The following COL13A1 variants were observed in gnomAD, a reference collection of about 807,000 sequenced individuals.
The protein encoded by COL13A1 is collagen alpha-1(XIII) chain.
Under a neutral mutation model 130.9 loss-of-function variants are expected in COL13A1, and 89 were observed. The observed-to-expected ratio is 0.68, with a 90% CI of 0.57 to 0.81. The LOEUF (loss-of-function observed/expected upper bound fraction) is 0.81. Among genes scored for constraint, COL13A1 ranks in the 30% least tolerant of loss-of-function variants. The pLI is 0.00. For missense variants in COL13A1, 879 were observed against 934.6 expected, an observed-to-expected ratio of 0.94 and a Z score of 0.78; for synonymous variants, 402 against 341.6, an observed-to-expected ratio of 1.18 and a Z score of -1.95.
rs2068441940 is a variant in COL13A1, at chr10:69,945,863, G to A, written c.2022+139G>A. On this transcript the variant is annotated intron_variant, in intron 37 of 40. Coordinates refer to ENST00000645393, the MANE Select transcript of COL13A1 (RefSeq NM_001368882.1). ...CGAGGCGGGCGCATCACGAGGTCAG[G>A]AGATCAAGACTATCCTGGCCAACAC... 1.3e-5 allele frequency: 14 copies of A among 1,065,592 alleles called. No individual in the cohort carries two copies. The South Asian group carries it at 2.0e-4, about 16-fold the overall frequency. The allele number at this position is 1,065,592 out of a possible 1,614,324, so 66.0% of individuals were successfully genotyped here.
intron 2 of COL13A1, among the ~76,000 whole-genome samples, chr10:69,859,914 A>G (rs1202685866): frequency 6.6e-6 from 1 of 152,222 alleles, no homozygotes; most frequent in Non-Finnish European, 1.5e-5. Context: ...TTGTGGCTCA[A>G]ATGGGAAAAG....
At chr10:69,806,730 G>A (rs1421383283) in intron 1 of COL13A1, among the ~76,000 whole-genome samples, 6 of 152,220 alleles carry the variant, frequency 3.9e-5, no homozygotes, top group Admixed American at 3.9e-4. Context: ...TGCTGGGCCG[G>A]GTGCAGTGGC....
chr10:69,917,435 T>C (rs1253591863), intron 18 of COL13A1, 102 bp downstream of exon 18: 5 of 1,047,512 alleles, frequency 4.8e-6, no homozygotes, highest in Non-Finnish European at 7.0e-6. Flanking sequence ...CCCAGCTCTT[T>C]GGGCCTCCTT....
At chr10:69,923,684 C>A in intron 23 of COL13A1, 118 bp from the exon 24 acceptor site, 1 of 1,319,778 alleles carries the variant, frequency 7.6e-7, no homozygotes, top group Non-Finnish European at 1.1e-6. Context: ...CAGAAGCCAT[C>A]AGGGAAAGAG....
Position 69,810,370 on chromosome 10 carries a change from G to C in COL13A1, c.294+7653G>C, listed in dbSNP as rs61109983. Among the ~76,000 whole-genome samples, 114 of 96,264 alleles carry C rather than the reference G, an allele frequency of 1.2e-3. 5 individuals are homozygous for C. In the East Asian group the frequency reaches 0.025, roughly 21 times the overall value. The allele number at this position is 96,264 out of a possible 152,430, so 63.2% of individuals were successfully genotyped here. On this transcript the variant is annotated intron_variant, in intron 1 of 40. Transcript: ENST00000645393. ...AATGAGAGAGAGAGAGAGAGAGAGA[G>C]AGAGAGAGAGACAGAGAGTCTGTGT... is the stretch of plus-strand genomic sequence containing the variant.
chr10:69,825,638 G>T (rs1035800519), intron 2 of COL13A1, among the ~76,000 whole-genome samples: 2 of 152,198 alleles, frequency 1.3e-5, no homozygotes, highest in African/African-American at 4.8e-5. Flanking sequence ...TTGCTGAGAT[G>T]GAAGCCTCGA....
intron 2 of COL13A1, among the ~76,000 whole-genome samples, chr10:69,853,400 C>A (rs573808697): frequency 6.6e-6 from 1 of 152,316 alleles, no homozygotes; most frequent in Non-Finnish European, 1.5e-5. Flanking sequence ...AGCTTCTTAA[C>A]CTTCCAGCCT....
chr10:69,923,541 G>A (rs1243457284), intron 23 of COL13A1, among the ~76,000 whole-genome samples: 1 of 152,232 alleles, frequency 6.6e-6, no homozygotes, highest in Non-Finnish European at 1.5e-5. Flanking sequence ...GGAGGGCCTG[G>A]CAGGGCAGAG....
rs2065463567 is a variant in COL13A1, at chr10:69,927,070, T to C, written c.1399-17T>C. On this transcript the variant is annotated splice_polypyrimidine_tract_variant and intron_variant, in intron 26 of 40. Transcript: ENST00000645393. Reference sequence around the variant, plus strand: ...TTGGTTTGCTCTTCAACTGATTGCCTGGTGTTGGTTTTTTAGGAGATCCGG... The same window carrying C: ...TTGGTTTGCTCTTCAACTGATTGCCCGGTGTTGGTTTTTTAGGAGATCCGG... The C allele has an allele frequency of 6.2e-7, 1 of 1,613,762 alleles. No homozygotes were observed.
intron 7 of COL13A1, among the ~76,000 whole-genome samples, chr10:69,881,255 C>T (rs2060110523): frequency 6.6e-6 from 1 of 152,202 alleles, no homozygotes; most frequent in Non-Finnish European, 1.5e-5. Context: ...CAGGGATGGT[C>T]TAACACAGCC....
chr10:69,889,336 G>A, intron 9 of COL13A1, 78 bp from the exon 10 acceptor site: 1 of 1,359,926 alleles, frequency 7.4e-7, no homozygotes, highest in Non-Finnish European at 1.0e-6. Flanking sequence ...CAGGGGGCAG[G>A]GAGGAGCATG....
chr10:69,810,157 G>A (rs1842575255), intron 1 of COL13A1, among the ~76,000 whole-genome samples: 1 of 152,254 alleles, frequency 6.6e-6, no homozygotes, highest in African/African-American at 2.4e-5. Flanking sequence ...TGATCCAGAT[G>A]TCCTCAAAGG....
intron 14 of COL13A1, 127 bp downstream of exon 14, chr10:69,898,889 C>T (rs960427016): frequency 1.5e-6 from 1 of 652,596 alleles, no homozygotes; most frequent in Non-Finnish European, 2.6e-6. Context: ...AAAATAGGCC[C>T]ACGTATACCA....
intron 2 of COL13A1, among the ~76,000 whole-genome samples, chr10:69,859,170 C>T (rs1225000451): frequency 6.6e-6 from 1 of 152,132 alleles, no homozygotes; most frequent in South Asian, 2.1e-4. Context: ...AGGTGCTTGG[C>T]GCTGGTAAGA....
intron 25 of COL13A1, among the ~76,000 whole-genome samples, chr10:69,925,211 G>A (rs1019364891): frequency 2.0e-5 from 3 of 152,214 alleles, no homozygotes; most frequent in Admixed American, 1.3e-4. Context: ...AGGGGAAAGA[G>A]GAAGGGTATG....
intron 2 of COL13A1, among the ~76,000 whole-genome samples, chr10:69,863,535 G>A (rs1396154099): frequency 6.6e-6 from 1 of 152,156 alleles, no homozygotes; most frequent in Non-Finnish European, 1.5e-5. Context: ...AGATGACACT[G>A]AACTTGGGAG....
intron 2 of COL13A1, among the ~76,000 whole-genome samples, chr10:69,847,051 T>C (rs1487924224): frequency 6.6e-6 from 1 of 152,192 alleles, no homozygotes; most frequent in Non-Finnish European, 1.5e-5. Context: ...CTCGCCTGCT[T>C]CTTCATCTTC....
intron 5 of COL13A1, among the ~76,000 whole-genome samples, chr10:69,876,801 T>C (rs886504526): frequency 2.2e-4 from 33 of 152,196 alleles, no homozygotes; most frequent in African/African-American, 7.0e-4. Context: ...GAGTTGGGTT[T>C]TGTGCCCAAG....
At chr10:69,957,542 C>G (rs2071002524) in intron 40 of COL13A1, among the ~76,000 whole-genome samples, 1 of 152,232 alleles carries the variant, frequency 6.6e-6, no homozygotes, top group Non-Finnish European at 1.5e-5. Flanking sequence ...CACATGTGAC[C>G]TGCAGCCAAA....
Sources: allele counts gnomAD v4.1 joint callset (sites outside exome capture counted in the v4.1 genomes callset), GRCh38; gene constraint gnomAD v4.1.1; transcripts MANE v1.5; gene names NCBI Gene and HGNC (gene_info 2026-07-23, HGNC 2026-07-21).